Variants in TMCO5A observed in about 807,000 individuals in gnomAD.
TMCO5A encodes transmembrane and coiled-coil domains 5A.
In TMCO5A, 34 loss-of-function variants were observed where a neutral mutation model predicts 42.3. The ratio of observed to expected loss-of-function variants is 0.80; its 90% confidence interval spans 0.61 to 1.07. TMCO5A has a LOEUF of 1.07. Among genes scored for constraint, TMCO5A ranks in the 50% least tolerant of loss-of-function variants. TMCO5A has a pLI of 0.00. For missense variants in TMCO5A, 357 were observed against 327.9 expected (o/e 1.09, Z -0.69); for synonymous variants, 131 against 115.6 (o/e 1.13, Z -0.86).
chr15:38,028,707 C>T, the TMCO5A span, among the ~76,000 whole-genome samples: 2 of 152,064 alleles, frequency 1.3e-5, no homozygotes, highest in African/African-American at 4.8e-5. Flanking sequence ...GACATGGAGT[C>T]TAGCATTAAC....
At chr15:37,979,409 T>G in the TMCO5A span, among the ~76,000 whole-genome samples, 7 of 152,142 alleles carry the variant, frequency 4.6e-5, no homozygotes, top group Admixed American at 4.6e-4. Context: ...ACTTCATTCT[T>G]GGCAGAATGT....
rs190352080 is a variant in TMCO5A, at chr15:37,947,379, C to T, written c.628-277C>T. 5.3e-5 allele frequency among the ~76,000 whole-genome samples: 8 copies of T among 152,062 alleles called. No homozygotes were observed. The East Asian group carries it at 1.4e-3, about 26-fold the overall frequency. Reference sequence around the variant, plus strand: ...AGTCAGAGTATCCAGGTTCCAGGCCCCATCCTGCCCCTAACTGGCTATGTG... The same window carrying T: ...AGTCAGAGTATCCAGGTTCCAGGCCTCATCCTGCCCCTAACTGGCTATGTG... On this transcript the variant is annotated intron_variant, in intron 10 of 11. Transcript: ENST00000319669.
chr15:37,951,654 T>C (rs913887607), downstream of TMCO5A: 1 of 153,684 alleles, frequency 6.5e-6, no homozygotes, highest in African/African-American at 2.4e-5. Flanking sequence ...CATAAGTATT[T>C]ATACTTACAT....
At chr15:37,949,979 T>G (rs1159946780) in intron 11 of TMCO5A, among the ~76,000 whole-genome samples, 2 of 152,168 alleles carry the variant, frequency 1.3e-5, no homozygotes, top group African/African-American at 4.8e-5. Flanking sequence ...CTTTTTCTGG[T>G]AGTTGACAAA....
At chr15:37,963,868 C>G (rs1369903226) in intron 11 of TMCO5A, among the ~76,000 whole-genome samples, 1 of 152,130 alleles carries the variant, frequency 6.6e-6, no homozygotes, top group Non-Finnish European at 1.5e-5. Flanking sequence ...ATAAGAATAG[C>G]TACCTCTTCC....
At chr15:37,993,947 C>T in the TMCO5A span, among the ~76,000 whole-genome samples, 1 of 152,226 alleles carries the variant, frequency 6.6e-6, no homozygotes, top group Non-Finnish European at 1.5e-5. Context: ...GATTCTAGAT[C>T]AGACAGGTTT....
At chr15:37,961,425 G>A (rs1184856428) in intron 11 of TMCO5A, among the ~76,000 whole-genome samples, 1 of 152,122 alleles carries the variant, frequency 6.6e-6, no homozygotes, top group African/African-American at 2.4e-5. Context: ...CCAGTACCAT[G>A]CTGTTTTGGT....
At chr15:37,935,145 A>C in intron 1 of TMCO5A, 112 bp from the exon 2 acceptor site, 1 of 152,120 alleles carries the variant, frequency 6.6e-6, no homozygotes. Context: ...TAGAGGGAGA[A>C]AATGAGTTAA....
At chr15:38,017,394 A>G in the TMCO5A span, among the ~76,000 whole-genome samples, 2 of 152,066 alleles carry the variant, frequency 1.3e-5, no homozygotes, top group Admixed American at 1.3e-4. Flanking sequence ...TCTTAGAAAT[A>G]TGGCAGGAGC....
the TMCO5A span, among the ~76,000 whole-genome samples, chr15:38,008,177 G>T: frequency 6.6e-6 from 1 of 151,960 alleles, no homozygotes; most frequent in Non-Finnish European, 1.5e-5. Context: ...TTACAGGCGT[G>T]AGCCACCGTG....
the TMCO5A span, chr15:37,993,280 G>T: frequency 6.6e-6 from 1 of 151,532 alleles, no homozygotes; most frequent in African/African-American, 2.4e-5. Context: ...AATATGCTTG[G>T]TGATGTTTCT....
At chr15:37,941,015 A>C in intron 6 of TMCO5A, 134 bp from the exon 7 acceptor site, 1 of 722,756 alleles carries the variant, frequency 1.4e-6, no homozygotes, top group Admixed American at 2.6e-5. Context: ...GGGTGGCTTA[A>C]TTCCTCTATC....
the TMCO5A span, among the ~76,000 whole-genome samples, chr15:38,032,804 C>T: frequency 6.6e-6 from 1 of 152,128 alleles, no homozygotes; most frequent in Admixed American, 6.6e-5. Context: ...TTTTGCCACA[C>T]ATTTTGTATG....
chr15:38,005,032 A>G, the TMCO5A span, among the ~76,000 whole-genome samples: 1 of 152,154 alleles, frequency 6.6e-6, no homozygotes, highest in Admixed American at 6.5e-5. Context: ...AAACAGAAAT[A>G]ACAGCTATTA....
chr15:37,969,887 T>C (rs1342777782), downstream of TMCO5A, among the ~76,000 whole-genome samples: 5 of 152,216 alleles, frequency 3.3e-5, no homozygotes, highest in Non-Finnish European at 7.3e-5. Context: ...GGTTGCATAG[T>C]ATATATATAC....
intron 11 of TMCO5A, among the ~76,000 whole-genome samples, chr15:37,948,647 G>A (rs1890048944): frequency 2.0e-5 from 3 of 151,828 alleles, no homozygotes; most frequent in African/African-American, 7.3e-5. Flanking sequence ...AAGAGACTTG[G>A]TATCCTGAAG....
At chr15:37,943,113 T>C in intron 9 of TMCO5A, 1 of 391,222 alleles carries the variant, frequency 2.6e-6, no homozygotes, top group Non-Finnish European at 4.6e-6. Context: ...TTTTCTGTGC[T>C]AGTTAGTAGG....
the TMCO5A span, among the ~76,000 whole-genome samples, chr15:38,037,824 T>C: frequency 1.3e-5 from 2 of 152,000 alleles, no homozygotes; most frequent in African/African-American, 4.8e-5. Context: ...ACCAGCCTGG[T>C]AAATATGGTG....
downstream of TMCO5A, among the ~76,000 whole-genome samples, chr15:37,953,280 T>C (rs902479766): frequency 6.6e-6 from 1 of 152,110 alleles, no homozygotes; most frequent in Admixed American, 6.6e-5. Context: ...TGTGCTGGCT[T>C]CAGGTCTAAC....
Sources: allele counts gnomAD v4.1 joint callset (sites outside exome capture counted in the v4.1 genomes callset), GRCh38; gene constraint gnomAD v4.1.1; transcripts MANE v1.5; gene names NCBI Gene and HGNC (gene_info 2026-07-23, HGNC 2026-07-21).